The following WDR88 variants were observed in gnomAD, a reference collection of about 807,000 sequenced individuals.
The protein encoded by WDR88 is WD repeat-containing protein 88.
In WDR88, 40 loss-of-function variants were observed where a neutral mutation model predicts 46.8. The ratio of observed to expected loss-of-function variants is 0.86; its 90% CI spans 0.66 to 1.11. The LOEUF is 1.11. Ranked by LOEUF, WDR88 falls within the 50% of genes most tolerant of loss-of-function variation. The pLI is 0.00. For synonymous variants in WDR88, 235 were observed against 240.7 expected, an observed-to-expected ratio of 0.98 and a Z score of 0.22; for missense variants, 562 against 602.4, an observed-to-expected ratio of 0.93 and a Z score of 0.70.
chr19:33,164,073 G>C, intron 8 of WDR88, 124 bp from the exon 9 acceptor site: 2 of 775,434 alleles, frequency 2.6e-6, no homozygotes, highest in Admixed American at 2.1e-5. Context: ...GGGCTCAGGT[G>C]ACCCTCCCGA....
chr19:33,174,282 C>T lies in WDR88; in HGVS notation c.1243-1114C>T, dbSNP rs4805855. 1,179 of 1,532,648 alleles carry T rather than the reference C, an allele frequency of 7.7e-4. 17 individuals carry two copies. The South Asian group carries it at 0.01, about 13-fold the overall frequency. The allele number at this position is 1,532,648 out of a possible 1,614,324, so 94.9% of individuals were successfully genotyped here. A position where few individuals can be genotyped will look rare whatever the true frequency, so the allele number is the denominator to read the frequency against. Reference sequence around the variant, plus strand: ...TGAGAAGCCTGAGGCCAGGCTTCCCCGAGGCCTGCCCCAGGTAGGGTTTAC... The same window carrying T: ...TGAGAAGCCTGAGGCCAGGCTTCCCTGAGGCCTGCCCCAGGTAGGGTTTAC... On this transcript the variant is annotated intron_variant, in intron 10 of 10. Transcript: ENST00000355868.
In WDR88 at chr19:33,132,488, C is replaced by A. The variant is rs1195730667; in HGVS notation, c.276+43C>A. ...GGTGAGGGGGCACTGGCCTGTTCCC[C>A]ACACGGGAGGAAGGCGCTCGAGCTG... On this transcript the variant is annotated intron_variant, in intron 1 of 10. Coordinates refer to ENST00000355868, the MANE Select transcript of WDR88 (RefSeq NM_173479.4). The A allele has an allele frequency of 3.8e-6, 6 of 1,599,678 alleles. No individual in the cohort carries two copies. The East Asian group carries it at 1.3e-4, about 36-fold the overall frequency.
intron 6 of WDR88, among the ~76,000 whole-genome samples, chr19:33,154,066 G>A (rs191353337): frequency 1.3e-5 from 2 of 152,072 alleles, no homozygotes; most frequent in Non-Finnish European, 2.9e-5. Flanking sequence ...AGAACTGTAC[G>A]TGCAGCATAG....
chr19:33,143,640 C>T (rs1973448122), intron 2 of WDR88, among the ~76,000 whole-genome samples: 1 of 113,154 alleles, frequency 8.8e-6, no homozygotes, highest in East Asian at 2.7e-4. Context: ...GCAAGACCCT[C>T]TCTCAAAAAA....
intron 2 of WDR88, among the ~76,000 whole-genome samples, chr19:33,143,739 A>G (rs1334902644): frequency 1.3e-5 from 2 of 152,172 alleles, no homozygotes; most frequent in African/African-American, 2.4e-5. Flanking sequence ...CAAGAAAGAA[A>G]AAAACTCATC....
chr19:33,152,766 T>C (rs1468488032), intron 6 of WDR88, among the ~76,000 whole-genome samples: 1 of 152,112 alleles, frequency 6.6e-6, no homozygotes, highest in East Asian at 1.9e-4. Context: ...CACACCTGGC[T>C]AATTTCTGTA....
chr19:33,157,408 G>T (rs1190795372), intron 7 of WDR88, among the ~76,000 whole-genome samples: 1 of 150,384 alleles, frequency 6.6e-6, no homozygotes, highest in Non-Finnish European at 1.5e-5. Flanking sequence ...TCAGGCAGGA[G>T]AATCGCTTGA....
At chr19:33,138,105 C>T (rs575396013) in intron 2 of WDR88, among the ~76,000 whole-genome samples, 6 of 151,474 alleles carry the variant, frequency 4.0e-5, no homozygotes, top group Non-Finnish European at 5.9e-5. Context: ...GGCGTGATCT[C>T]GGCTCACTGC....
chr19:33,134,608 G>A (rs1195444047), intron 1 of WDR88, among the ~76,000 whole-genome samples: 3 of 152,016 alleles, frequency 2.0e-5, no homozygotes, highest in Non-Finnish European at 4.4e-5. Flanking sequence ...CGGGAGGGCC[G>A]CGCAGGTCAT....
intron 2 of WDR88, among the ~76,000 whole-genome samples, chr19:33,139,342 A>G (rs1187772860): frequency 4.6e-5 from 7 of 152,090 alleles, no homozygotes; most frequent in African/African-American, 9.7e-5. Flanking sequence ...GCTGGGGAGG[A>G]GCAGGGCTGG....
chr19:33,132,635 G>A (rs1973152720), intron 1 of WDR88, among the ~76,000 whole-genome samples, 190 bp downstream of exon 1: 1 of 152,226 alleles, frequency 6.6e-6, no homozygotes. Context: ...AGGGCGTGCT[G>A]GGGATGCCGG....
intron 10 of WDR88, among the ~76,000 whole-genome samples, chr19:33,173,695 C>G (rs1974077715): frequency 6.6e-6 from 1 of 152,232 alleles, no homozygotes; most frequent in Non-Finnish European, 1.5e-5. Context: ...ACTGTGAAAG[C>G]TGACTTGCTA....
At chr19:33,149,935 C>T (rs940756727) in intron 5 of WDR88, among the ~76,000 whole-genome samples, 10 of 151,838 alleles carry the variant, frequency 6.6e-5, no homozygotes, top group African/African-American at 1.2e-4. Flanking sequence ...GCTGGGATTA[C>T]GGGCATGAGC....
At chr19:33,134,224 C>CTGG (rs1335386292) in intron 1 of WDR88, among the ~76,000 whole-genome samples, 2 of 152,108 alleles carry the variant, frequency 1.3e-5, no homozygotes, top group African/African-American at 4.8e-5. Context: ...AAACGAGAGC[C>CTGG]CCAGAAAAGC....
chr19:33,151,439 G>A, intron 6 of WDR88, 129 bp downstream of exon 6: 1 of 1,202,182 alleles, frequency 8.3e-7, no homozygotes, highest in Non-Finnish European at 1.1e-6. Flanking sequence ...CTCTGAGGAG[G>A]CTGGGGACAG....
intron 3 of WDR88, 74 bp downstream of exon 3, chr19:33,145,006 A>C (rs1973483066): frequency 4.9e-6 from 7 of 1,428,256 alleles, no homozygotes; most frequent in Non-Finnish European, 5.8e-6. Flanking sequence ...TGCCTGTGAC[A>C]TTTTTGTTTT....
At position 33,155,680 on chromosome 19, in the gene WDR88, G is replaced by T. The variant is rs189711451; in HGVS notation, c.810-675G>T. Among the ~76,000 whole-genome samples the T allele has an allele frequency of 3.1e-3, 470 of 152,334 alleles. 3 individuals carry two copies. Among genetic ancestry groups the T allele is most frequent in the African/African-American group, 0.011 (452 of 41,572 alleles). ...CACCCAGCACCAAGCCCCAAAGGCT[G>T]TCTGTCAATCAATCACTCCTGACAC... On this transcript the variant is annotated intron_variant, in intron 6 of 10. Coordinates refer to ENST00000355868, the MANE Select transcript of WDR88 (RefSeq NM_173479.4).
chr19:33,137,866 C>T (rs1426719256), intron 2 of WDR88, 79 bp downstream of exon 2: 1 of 1,200,934 alleles, frequency 8.3e-7, no homozygotes, highest in South Asian at 1.4e-5. Context: ...AGTTCCCCAG[C>T]ACTGAACTCA....
intron 2 of WDR88, among the ~76,000 whole-genome samples, chr19:33,139,005 G>A (rs1438334763): frequency 6.6e-6 from 1 of 152,120 alleles, no homozygotes; most frequent in African/African-American, 2.4e-5. Flanking sequence ...GTCAGAGAAC[G>A]GAAGTCCTGG....
Sources: allele counts gnomAD v4.1 joint callset (sites outside exome capture counted in the v4.1 genomes callset), GRCh38; gene constraint gnomAD v4.1.1; transcripts MANE v1.5; gene names NCBI Gene and HGNC (gene_info 2026-07-23, HGNC 2026-07-21).